Variants in FAM240B observed in about 807,000 individuals in gnomAD.
FAM240B encodes protein FAM240B.
intron 1 of FAM240B, among the ~76,000 whole-genome samples, chr9:38,707,627 AAAAAAAAAAC>A (rs1342296139): frequency 3.5e-5 from 5 of 143,572 alleles, no homozygotes; most frequent in Non-Finnish European, 6.1e-5. Context: ...AAAAAAAAAC[AAAAAAAAAAC>A]CAAAAAATTA....
At chr9:38,697,031 C>T (rs2118997369) in intron 2 of FAM240B, among the ~76,000 whole-genome samples, 1 of 152,232 alleles carries the variant, frequency 6.6e-6, no homozygotes, top group East Asian at 1.9e-4. Flanking sequence ...AATCTGCCAC[C>T]AAATACATGA....
At chr9:38,702,797 G>A (rs761094087) in intron 2 of FAM240B, among the ~76,000 whole-genome samples, 18 of 152,074 alleles carry the variant, frequency 1.2e-4, no homozygotes, top group African/African-American at 1.2e-4. Context: ...CTAGTTTTTC[G>A]CACATATACA....
At chr9:38,697,267 G>A (rs1227924874) in intron 2 of FAM240B, among the ~76,000 whole-genome samples, 4 of 152,164 alleles carry the variant, frequency 2.6e-5, no homozygotes, top group Non-Finnish European at 5.9e-5. Context: ...TCAATGCCAA[G>A]GCCAAACTTC....
intron 2 of FAM240B, among the ~76,000 whole-genome samples, chr9:38,696,887 C>T (rs1226522939): frequency 6.6e-6 from 1 of 152,150 alleles, no homozygotes; most frequent in Non-Finnish European, 1.5e-5. Context: ...TAGTAATTTT[C>T]ATAATTATAT....
chr9:38,709,253 G>A (rs781001051), intron 1 of FAM240B, among the ~76,000 whole-genome samples: 1 of 152,134 alleles, frequency 6.6e-6, no homozygotes, highest in African/African-American at 2.4e-5. Flanking sequence ...AGTGCATTTT[G>A]TTTGAGATGA....
rs1041516665 is a variant in FAM240B at position 38,705,804 on chromosome 9, T to C, written c.-3-1802A>G. The stretch of plus-strand genomic sequence containing the variant: ...AAGAAGCTTGAAACTGAAAACAGCT[T>C]TGGGTATTCGATAAAGATTTTAAGA... On this transcript the variant is annotated intron_variant, in intron 1 of 2. Coordinates refer to ENST00000637493, the MANE Select transcript of FAM240B (RefSeq NM_001394922.1). Among the ~76,000 whole-genome samples the C allele has an allele frequency of 2.6e-5, 4 of 152,152 alleles. No individual in the cohort carries two copies. The Middle Eastern group carries it at 0.014, about 518-fold the overall frequency.
chr9:38,717,414 A>T (rs1380580357), intron 1 of FAM240B, among the ~76,000 whole-genome samples: 3 of 152,014 alleles, frequency 2.0e-5, no homozygotes, highest in Non-Finnish European at 4.4e-5. Context: ...CCCCGTCTCT[A>T]CTAAAAAATA....
At chr9:38,718,305 A>C (rs1355888979) in intron 1 of FAM240B, among the ~76,000 whole-genome samples, 2 of 152,240 alleles carry the variant, frequency 1.3e-5, no homozygotes, top group African/African-American at 4.8e-5. Context: ...TGCAGGTCAA[A>C]GTCCAGGTAC....
chr9:38,713,793 G>A (rs944222898), intron 1 of FAM240B, among the ~76,000 whole-genome samples: 26 of 152,240 alleles, frequency 1.7e-4, no homozygotes, highest in Admixed American at 6.5e-5. Flanking sequence ...AAATGGTGAT[G>A]ATAGGTGCAT....
At chr9:38,717,092 G>C (rs1164746133) in intron 1 of FAM240B, among the ~76,000 whole-genome samples, 2 of 152,138 alleles carry the variant, frequency 1.3e-5, no homozygotes, top group Non-Finnish European at 2.9e-5. Flanking sequence ...CGGCACCCTC[G>C]GGAAGGTGTG....
chr9:38,712,440 A>G (rs1328211453), intron 1 of FAM240B, among the ~76,000 whole-genome samples: 1 of 152,206 alleles, frequency 6.6e-6, no homozygotes, highest in African/African-American at 2.4e-5. Flanking sequence ...CATTATCTAT[A>G]TTTCTATTAG....
intron 1 of FAM240B, among the ~76,000 whole-genome samples, chr9:38,713,481 C>CAAAAAAAAAA (rs77404875): frequency 4.8e-5 from 4 of 83,578 alleles, no homozygotes; most frequent in South Asian, 5.9e-4. Context: ...CCGTTTCAAA[C>CAAAAAAAAAA]AAAAAAAAAA....
chr9:38,702,088 C>T (rs62539023), intron 2 of FAM240B, among the ~76,000 whole-genome samples: 8,370 of 152,206 alleles, frequency 0.055, 322 homozygotes, highest in Non-Finnish European at 0.086. Flanking sequence ...CAGCACAGGG[C>T]TCAAGATGGG....
In FAM240B at chr9:38,696,606, G is replaced by A. The variant is rs545971696; in HGVS notation, c.144-1737C>T. ...GGGCAGATCACCAGGTCAGAAGATC[G>A]AGACCATCCTGGCTAACATGGTGAA... On this transcript the variant is annotated intron_variant, in intron 2 of 2. Transcript: ENST00000637493. 5.3e-5 allele frequency among the ~76,000 whole-genome samples: 8 copies of A among 152,202 alleles called. No individual in the cohort carries two copies. The East Asian group carries it at 7.7e-4, about 15-fold the overall frequency.
intron 1 of FAM240B, among the ~76,000 whole-genome samples, chr9:38,709,328 A>C (rs184728829): frequency 6.6e-6 from 1 of 152,358 alleles, no homozygotes; most frequent in African/African-American, 2.4e-5. Context: ...CCCATTTACC[A>C]GGCTCACTGT....
At chr9:38,700,850 T>TG (rs1821117800) in intron 2 of FAM240B, among the ~76,000 whole-genome samples, 1 of 152,172 alleles carries the variant, frequency 6.6e-6, no homozygotes, top group Non-Finnish European at 1.5e-5. Context: ...AGCATATCAG[T>TG]TCCTAGGAAA....
At chr9:38,711,135 C>T (rs1174601492) in intron 1 of FAM240B, among the ~76,000 whole-genome samples, 1 of 152,234 alleles carries the variant, frequency 6.6e-6, no homozygotes, top group Non-Finnish European at 1.5e-5. Context: ...CTCTGCGCAT[C>T]ACATCAAGAC....
At chr9:38,710,519 A>G (rs921887615) in intron 1 of FAM240B, among the ~76,000 whole-genome samples, 1 of 152,196 alleles carries the variant, frequency 6.6e-6, no homozygotes, top group Non-Finnish European at 1.5e-5. Flanking sequence ...TACTGCATTT[A>G]TCTTTTTGTT....
rs77024920 is a variant in FAM240B, at chr9:38,713,843, C to A, written c.-4+6179G>T. ...AGAGGAATTCTTTGAATTATTTTTT[C>A]TGTAATTTTGAAATTACTGCCAAAT... On this transcript the variant is annotated intron_variant, in intron 1 of 2. Coordinates refer to ENST00000637493, the MANE Select transcript of FAM240B (RefSeq NM_001394922.1). 1.7e-3 allele frequency among the ~76,000 whole-genome samples: 255 copies of A among 152,320 alleles called. 1 individual carries two copies. Among genetic ancestry groups the A allele is most frequent in the African/African-American group, 5.5e-3 (227 of 41,578 alleles).
Sources: allele counts gnomAD v4.1 joint callset (sites outside exome capture counted in the v4.1 genomes callset), GRCh38; gene constraint gnomAD v4.1.1; transcripts MANE v1.5; gene names NCBI Gene and HGNC (gene_info 2026-07-23, HGNC 2026-07-21).